Variants in CNTNAP2 observed in about 807,000 individuals in gnomAD.
CNTNAP2 encodes the protein contactin associated protein 2.
CNTNAP2 carries 98 observed loss-of-function variants against 155.2 expected under a neutral mutation model. The ratio of observed to expected loss-of-function variants is 0.63; its 90% CI spans 0.54 to 0.75. CNTNAP2 has a LOEUF of 0.75. Among genes scored for constraint, CNTNAP2 ranks in the 30% least tolerant of loss-of-function variants. The probability of loss-of-function intolerance (pLI) is 0.00; values close to 1 mark genes in which losing one functional copy is unlikely to be tolerated. For synonymous variants in CNTNAP2, 651 were observed against 631.2 expected (o/e 1.03, Z -0.47); for missense variants, 1,727 against 1,688.1 (o/e 1.02, Z -0.40).
intron 8 of CNTNAP2, among the ~76,000 whole-genome samples, chr7:147,262,499 G>A (rs1174498515): frequency 1.3e-5 from 2 of 152,092 alleles, no homozygotes; most frequent in Non-Finnish European, 2.9e-5. Flanking sequence ...AGAGGGAGGG[G>A]TATGAAAGGA....
At chr7:147,062,104 G>A (rs1799689801) in intron 4 of CNTNAP2, among the ~76,000 whole-genome samples, 1 of 114,382 alleles carries the variant, frequency 8.7e-6, no homozygotes, top group Admixed American at 1.3e-4. Context: ...CTCCAGCCTG[G>A]GCGACAGAGC....
chr7:146,381,966 A>G (rs780702705), intron 1 of CNTNAP2, among the ~76,000 whole-genome samples: 1 of 152,158 alleles, frequency 6.6e-6, no homozygotes, highest in African/African-American at 2.4e-5. Flanking sequence ...TTGCCCCCAT[A>G]TGATAATAAC....
At chr7:146,224,637 TG>T (rs1799263105) in intron 1 of CNTNAP2, among the ~76,000 whole-genome samples, 1 of 149,378 alleles carries the variant, frequency 6.7e-6, no homozygotes, top group Non-Finnish European at 1.5e-5. Context: ...GGCTTGGTGG[TG>T]GGCGCCTGTA....
At position 147,395,817 on chromosome 7, in the gene CNTNAP2, A is replaced by G. The variant is rs746849572; in HGVS notation, c.1670+37A>G. 2.5e-6 allele frequency: 4 copies of G among 1,609,032 alleles called. No individual in the cohort carries two copies. The African/African-American group carries it at 5.3e-5, about 22-fold the overall frequency. Reference sequence around the variant, plus strand: ...TTTCATCCTACCTCACGTTGTCCAAACTTTCCAAACCTGTGTTTCTGTTGT... The same window carrying G: ...TTTCATCCTACCTCACGTTGTCCAAGCTTTCCAAACCTGTGTTTCTGTTGT... On this transcript the variant is annotated intron_variant, in intron 10 of 23. Coordinates refer to ENST00000361727, the MANE Select transcript of CNTNAP2 (RefSeq NM_014141.6).
chr7:148,018,502 A>G (rs4725758), intron 15 of CNTNAP2, among the ~76,000 whole-genome samples: 105,395 of 152,156 alleles, frequency 0.69, 37,251 homozygotes, highest in East Asian at 0.83. Context: ...AAACTCACAC[A>G]ATGAACCAGA....
At chr7:146,870,104 T>TG (rs1372807896) in intron 3 of CNTNAP2, among the ~76,000 whole-genome samples, 4 of 152,116 alleles carry the variant, frequency 2.6e-5, no homozygotes, top group Non-Finnish European at 5.9e-5. Context: ...TAGAATGAGT[T>TG]GGGGAGGAGT....
intron 13 of CNTNAP2, among the ~76,000 whole-genome samples, chr7:147,764,291 A>C (rs749532909): frequency 5.8e-4 from 88 of 151,960 alleles, no homozygotes; most frequent in Non-Finnish European, 1.1e-3. Flanking sequence ...TTATTTGGCT[A>C]TTCTATTACT....
chr7:148,303,481 C>T (rs1340295958), intron 21 of CNTNAP2, among the ~76,000 whole-genome samples: 1 of 152,178 alleles, frequency 6.6e-6, no homozygotes, highest in African/African-American at 2.4e-5. Flanking sequence ...TCAAGCTCTG[C>T]TAGTACATAA....
At chr7:147,012,284 A>C (rs757961435) in intron 3 of CNTNAP2, among the ~76,000 whole-genome samples, 5 of 152,246 alleles carry the variant, frequency 3.3e-5, no homozygotes, top group South Asian at 2.1e-4. Flanking sequence ...AAGGTTTGTC[A>C]TGGTTATATA....
chr7:147,017,893 A>G (rs1798752575), intron 3 of CNTNAP2, among the ~76,000 whole-genome samples: 1 of 152,070 alleles, frequency 6.6e-6, no homozygotes, highest in Non-Finnish European at 1.5e-5. Context: ...TAGATACAAA[A>G]TTGGCTAATA....
intron 8 of CNTNAP2, among the ~76,000 whole-genome samples, chr7:147,177,040 A>G (rs867976453): frequency 7.0e-6 from 1 of 143,540 alleles, no homozygotes; most frequent in African/African-American, 2.6e-5. Flanking sequence ...TATAATATAT[A>G]ATAGAATTAT....
chr7:146,694,682 TG>T (rs1162181555), intron 1 of CNTNAP2, among the ~76,000 whole-genome samples: 1 of 152,194 alleles, frequency 6.6e-6, no homozygotes, highest in African/African-American at 2.4e-5. Context: ...TAGATTAATT[TG>T]GGAAGAATTC....
intron 1 of CNTNAP2, among the ~76,000 whole-genome samples, chr7:146,147,557 A>T (rs542446209): frequency 6.6e-6 from 1 of 152,190 alleles, no homozygotes; most frequent in Admixed American, 6.6e-5. Flanking sequence ...TTCCCTAGGC[A>T]TATACCAGGA....
At chr7:148,367,985 C>A (rs2116634418) in intron 21 of CNTNAP2, among the ~76,000 whole-genome samples, 2 of 152,264 alleles carry the variant, frequency 1.3e-5, no homozygotes, top group Middle Eastern at 3.4e-3. Context: ...ATTGTCAGAG[C>A]TGAAAATTAA....
chr7:148,066,041 A>G (rs1297315258), intron 15 of CNTNAP2, among the ~76,000 whole-genome samples: 1 of 152,100 alleles, frequency 6.6e-6, no homozygotes, highest in Non-Finnish European at 1.5e-5. Flanking sequence ...TTCATTTGTG[A>G]AGCTTAGTTT....
At chr7:148,283,761 C>G (rs1797031172) in intron 21 of CNTNAP2, among the ~76,000 whole-genome samples, 1 of 152,126 alleles carries the variant, frequency 6.6e-6, no homozygotes, top group Admixed American at 6.5e-5. Flanking sequence ...GCGATCTGTC[C>G]TGTGGAGAAA....
rs144785654 is a variant in CNTNAP2 at position 148,330,236 on chromosome 7, G to C, written c.3476-53413G>C. 2.3e-3 allele frequency among the ~76,000 whole-genome samples: 138 copies of C among 59,336 alleles called. 2 individuals are homozygous for C. Among genetic ancestry groups the C allele is most frequent in the African/African-American group, 7.5e-3 (124 of 16,458 alleles). 38.9% of individuals were successfully genotyped at this position (59,336 alleles called of 152,430 possible). A position where few individuals can be genotyped will look rare whatever the true frequency, so the allele number is the denominator to read the frequency against. On this transcript the variant is annotated intron_variant, in intron 21 of 23. Transcript: ENST00000361727. ...GATGGAATGGATGGATGGAATGGAT[G>C]GATGGAATGGATCGATGGAGTGGAC... is the stretch of plus-strand genomic sequence containing the variant.
intron 21 of CNTNAP2, among the ~76,000 whole-genome samples, chr7:148,350,445 T>G (rs1315598269): frequency 6.6e-6 from 1 of 152,220 alleles, no homozygotes; most frequent in Non-Finnish European, 1.5e-5. Flanking sequence ...GATCTAATGA[T>G]TTTTTGAGGT....
chr7:146,218,783 G>A (rs950263780), intron 1 of CNTNAP2, among the ~76,000 whole-genome samples: 5 of 151,964 alleles, frequency 3.3e-5, no homozygotes, highest in Non-Finnish European at 7.4e-5. Context: ...GCTAACACAC[G>A]GAATGGCAAA....
Sources: gnomAD v4.1 joint callset for allele counts (sites outside exome capture counted in the v4.1 genomes callset) on GRCh38, gnomAD v4.1.1 for gene constraint, MANE v1.5 for transcripts, NCBI Gene and HGNC (gene_info 2026-07-23, HGNC 2026-07-21) for gene names.